Variants in RUBCN observed in about 807,000 individuals in gnomAD.
RUBCN encodes rubicon autophagy regulator.
A neutral mutation model predicts 113.2 loss-of-function variants in RUBCN; 74 were observed. That is an observed-to-expected ratio of 0.65 (90% confidence interval 0.54 to 0.79). RUBCN has a LOEUF of 0.79. RUBCN is among the 30% of genes least tolerant of loss of function. The pLI is 0.00. For synonymous variants in RUBCN, 480 were observed against 490.0 expected, an observed-to-expected ratio of 0.98 and a Z score of 0.27; for missense variants, 1,109 against 1,251.7, an observed-to-expected ratio of 0.89 and a Z score of 1.72.
intron 1 of RUBCN, among the ~76,000 whole-genome samples, chr3:197,747,501 G>A (rs974775134): frequency 5.3e-5 from 8 of 151,954 alleles, no homozygotes; most frequent in African/African-American, 1.2e-4. Flanking sequence ...GATTACAAGC[G>A]TGAGCCACTG....
intron 1 of RUBCN, among the ~76,000 whole-genome samples, chr3:197,721,855 G>A (rs1726204946): frequency 6.6e-6 from 1 of 152,112 alleles, no homozygotes; most frequent in South Asian, 2.1e-4. Flanking sequence ...TGGTTGTTCA[G>A]GAGCATGTTG....
At chr3:197,699,374 G>A in intron 7 of RUBCN, 1 of 620,226 alleles carries the variant, frequency 1.6e-6, no homozygotes, top group Non-Finnish European at 2.9e-6. Flanking sequence ...AGGACGGATG[G>A]CTTGTCCAAG....
At chr3:197,676,602 C>T (rs774495321) in intron 18 of RUBCN, 142 of 1,300,828 alleles carry the variant, frequency 1.1e-4, no homozygotes, top group Non-Finnish European at 1.3e-4. Flanking sequence ...CCTAAGCCAC[C>T]GTGCCTGGCC....
upstream of RUBCN, among the ~76,000 whole-genome samples, chr3:197,739,795 G>A (rs542812378): frequency 6.6e-6 from 1 of 152,300 alleles, no homozygotes; most frequent in Admixed American, 6.5e-5. Flanking sequence ...CTCAACACTG[G>A]GAGGCCCAGG....
Position 197,675,336 on chromosome 3 carries a change from C to T in RUBCN, c.2740+86G>A, listed in dbSNP as rs1475035442. On this transcript the variant is annotated intron_variant, in intron 19 of 19. Transcript: ENST00000296343. The surrounding 1 kb of genome is among the most constrained non-coding windows in gnomAD (Gnocchi z 4.4). ...GGCCCCGCGAGGTGCTGAGTGGCAC[C>T]GAACTCTTGCTAACAGGGGTGGCTC... 16 of 1,507,856 alleles carry T rather than the reference C, an allele frequency of 1.1e-5. No homozygotes were observed. In the East Asian group the frequency reaches 2.7e-4, roughly 25 times the overall value. The allele number at this position is 1,507,856 out of a possible 1,614,324, so 93.4% of individuals were successfully genotyped here. A position where few individuals can be genotyped will look rare whatever the true frequency, so the allele number is the denominator to read the frequency against.
intron 1 of RUBCN, among the ~76,000 whole-genome samples, chr3:197,728,907 G>C (rs888800938): frequency 6.6e-6 from 1 of 152,174 alleles, no homozygotes; most frequent in African/African-American, 2.4e-5. Context: ...AGAATGGCAA[G>C]AAAGATGTGA....
intron 1 of RUBCN, among the ~76,000 whole-genome samples, chr3:197,731,399 C>T (rs558681334): frequency 0.024 from 3,664 of 152,234 alleles, 78 homozygotes; most frequent in Non-Finnish European, 0.034. Context: ...TACCTCTTTC[C>T]ACACAGACAC....
At position 197,693,340 on chromosome 3, in the gene RUBCN, T is replaced by C. The variant is rs183190572; in HGVS notation, c.1786+375A>G. 1.4e-3 allele frequency among the ~76,000 whole-genome samples: 207 copies of C among 152,370 alleles called. 1 individual carries two copies. Among genetic ancestry groups the C allele is most frequent in the African/African-American group, 4.9e-3 (202 of 41,578 alleles). On this transcript the variant is annotated intron_variant, in intron 11 of 19. Coordinates refer to ENST00000296343, the MANE Select transcript of RUBCN (RefSeq NM_014687.4). ...ATGATTCTTTTTGTCCTTTTCTCTT[T>C]TGAACACTCTGAAACAATTTCAGTT...
In RUBCN at chr3:197,700,860, G is replaced by C; in HGVS notation, c.1014C>G (p.Ser338Arg). Residue 338 changes from serine (S) to arginine (R), a missense_variant, in exon 7 of 20, where the codon AGC becomes AGG. Physicochemically the swap from Ser to Arg is moderately radical, Grantham distance 110. Coordinates refer to ENST00000296343, the MANE Select transcript of RUBCN (RefSeq NM_014687.4). ...GNLDPRGRTASCQSHSSNAES... is the reference protein window; with the variant it reads ...GNLDPRGRTARCQSHSSNAES... ...CGGCATTGCTGCTGTGACTCTGACA[G>C]CTGGCAGTCCGGCCTCGGGGGTCCA... The C allele has an allele frequency of 6.2e-7, 1 of 1,614,214 alleles. No individual in the cohort carries two copies. Among genetic ancestry groups the C allele is most frequent in the Non-Finnish European group, 8.5e-7 (1 of 1,180,042 alleles).
rs1318836943 is a variant in RUBCN, at chr3:197,669,335, G to GT, written c.*5682dup. On this transcript the variant is annotated 3_prime_UTR_variant, in exon 20 of 20. Coordinates refer to ENST00000296343, the MANE Select transcript of RUBCN (RefSeq NM_014687.4). ...GGATCCCACATGGCATTCAGTCATC[G>GT]TATCTGCTTAGTCTCCTCTCGTCCG... Among the ~76,000 whole-genome samples, 1 of 152,128 alleles carries GT rather than the reference G, an allele frequency of 6.6e-6. No individual in the cohort carries two copies. The highest frequency in any genetic ancestry group is 2.1e-4 in the South Asian group (1 of 4,828).
At chr3:197,732,382 C>T (rs1048908666) in intron 1 of RUBCN, among the ~76,000 whole-genome samples, 9 of 152,192 alleles carry the variant, frequency 5.9e-5, no homozygotes, top group Admixed American at 2.0e-4. Context: ...GGCGTGATCT[C>T]GGCTCACTGC....
At chr3:197,682,246 T>A (rs1721323671) in intron 14 of RUBCN, among the ~76,000 whole-genome samples, 1 of 151,980 alleles carries the variant, frequency 6.6e-6, no homozygotes, top group Non-Finnish European at 1.5e-5. Flanking sequence ...AAGCTACAGG[T>A]TGGGAATGCC....
chr3:197,736,611 C>T (rs928412410), intron 1 of RUBCN, 44 bp downstream of exon 1: 1 of 1,528,668 alleles, frequency 6.5e-7, no homozygotes, highest in African/African-American at 1.4e-5. Context: ...CCCGGGGCTC[C>T]GGCGCCTGTC....
chr3:197,690,232 G>A (rs916482937), intron 11 of RUBCN, among the ~76,000 whole-genome samples: 1 of 152,206 alleles, frequency 6.6e-6, no homozygotes. Flanking sequence ...GAGGTCACGA[G>A]TTTGAGACCA....
chr3:197,717,337 G>A (rs1247012478), intron 2 of RUBCN, among the ~76,000 whole-genome samples: 3 of 152,022 alleles, frequency 2.0e-5, no homozygotes, highest in East Asian at 1.9e-4. Context: ...CCAGCTACTC[G>A]GGAGGCTGAG....
chr3:197,701,669 G>A lies in RUBCN; in HGVS notation c.727+39C>T. On this transcript the variant is annotated intron_variant, in intron 6 of 19. Transcript: ENST00000296343. ...CAAAGTCTTCTTACTTTCCAGGGCT[G>A]GGGATAAATGTAATGACCACTTTTT... 7 of 1,594,586 alleles carry A rather than the reference G, an allele frequency of 4.4e-6. No individual in the cohort carries two copies. In the South Asian group the frequency reaches 4.4e-5, roughly 10 times the overall value.
intron 1 of RUBCN, among the ~76,000 whole-genome samples, chr3:197,730,304 C>G (rs1727266124): frequency 6.6e-6 from 1 of 152,134 alleles, no homozygotes; most frequent in Non-Finnish European, 1.5e-5. Flanking sequence ...AGCAGAATAG[C>G]CCATACCCCG....
upstream of RUBCN, among the ~76,000 whole-genome samples, chr3:197,737,772 C>T (rs537010371): frequency 1.8e-4 from 28 of 152,172 alleles, no homozygotes; most frequent in South Asian, 5.8e-3. Flanking sequence ...ATTGAGGTAA[C>T]GGTGGAAGGC....
intron 1 of RUBCN, among the ~76,000 whole-genome samples, chr3:197,729,145 C>CAA (rs572262416): frequency 0.16 from 12,258 of 75,108 alleles, 636 homozygotes; most frequent in Middle Eastern, 0.28. Flanking sequence ...GACTCCGTCT[C>CAA]AAAAAAAAAA....
Sources: allele counts gnomAD v4.1 joint callset (sites outside exome capture counted in the v4.1 genomes callset), GRCh38; gene constraint gnomAD v4.1.1; non-coding constraint Gnocchi (gnomAD v3.1); transcripts MANE v1.5; gene names NCBI Gene and HGNC (gene_info 2026-07-23, HGNC 2026-07-21).